ARHGAP17: variants seen among roughly 807,000 people sequenced by gnomAD.
The protein encoded by ARHGAP17 is Rho GTPase activating protein 17.
A neutral mutation model predicts 99.5 loss-of-function variants in ARHGAP17; 57 were observed. The ratio of observed to expected loss-of-function variants is 0.57; its 90% CI spans 0.46 to 0.71. ARHGAP17 has a LOEUF of 0.71. ARHGAP17 is among the 30% of genes least tolerant of loss of function. The probability of loss-of-function intolerance (pLI) is 0.00; values close to 1 mark genes in which losing one functional copy is unlikely to be tolerated. For synonymous variants in ARHGAP17, 417 were observed against 429.6 expected (o/e 0.97, Z 0.36); for missense variants, 1,000 against 1,122.4 (o/e 0.89, Z 1.56).
chr16:24,944,149 T>A lies in ARHGAP17; in HGVS notation c.1242-287A>T, dbSNP rs190404972. Among the ~76,000 whole-genome samples the A allele has an allele frequency of 1.3e-3, 198 of 151,498 alleles. No homozygotes were observed. The South Asian group carries it at 0.028, about 21-fold the overall frequency. On this transcript the variant is annotated intron_variant, in intron 14 of 19. Coordinates refer to ENST00000289968, the MANE Select transcript of ARHGAP17 (RefSeq NM_001006634.3). Reference sequence around the variant, plus strand: ...AGCCAGGCGTGGTGGTGCGTTCGCATAGTCCCAGCTACTCGGGAGGCTGAG... The same window carrying A: ...AGCCAGGCGTGGTGGTGCGTTCGCAAAGTCCCAGCTACTCGGGAGGCTGAG...
intron 15 of ARHGAP17, among the ~76,000 whole-genome samples, chr16:24,943,078 G>C (rs1427974801): frequency 6.6e-6 from 1 of 152,176 alleles, no homozygotes; most frequent in African/African-American, 2.4e-5. Context: ...AAGTAGGTGT[G>C]GGGGATCCGG....
At chr16:24,960,688 G>T (rs890632124) in intron 7 of ARHGAP17, among the ~76,000 whole-genome samples, 8 of 151,664 alleles carry the variant, frequency 5.3e-5, no homozygotes, top group African/African-American at 1.7e-4. Context: ...ATGGTGGCGG[G>T]CACCTGTAGT....
At chr16:25,007,058 A>T (rs368406815) in intron 1 of ARHGAP17, among the ~76,000 whole-genome samples, 14 of 152,306 alleles carry the variant, frequency 9.2e-5, no homozygotes, top group East Asian at 5.8e-4. Flanking sequence ...CTGGAAAGGA[A>T]TGAACATTAC....
At chr16:24,927,202 C>T (rs111492232) in intron 19 of ARHGAP17, among the ~76,000 whole-genome samples, 8 of 152,204 alleles carry the variant, frequency 5.3e-5, no homozygotes, top group African/African-American at 9.6e-5. Context: ...ACCTGGGAGG[C>T]GGAGCTTGCA....
intron 3 of ARHGAP17, among the ~76,000 whole-genome samples, chr16:24,971,077 C>A (rs139683419): frequency 2.6e-5 from 4 of 152,204 alleles, no homozygotes; most frequent in East Asian, 1.9e-4. Context: ...GGTATGTTGA[C>A]CAGGCTAATC....
At chr16:24,934,323 G>A (rs1009367300) in intron 18 of ARHGAP17, among the ~76,000 whole-genome samples, 7 of 151,964 alleles carry the variant, frequency 4.6e-5, no homozygotes, top group African/African-American at 1.7e-4. Flanking sequence ...CACCATGCCC[G>A]GCTAATTTTT....
At chr16:24,921,726 A>G (rs1332741759) in intron 19 of ARHGAP17, among the ~76,000 whole-genome samples, 1 of 152,136 alleles carries the variant, frequency 6.6e-6, no homozygotes, top group African/African-American at 2.4e-5. Context: ...AACTCAGAGA[A>G]ATTTCTAGAT....
At position 24,919,972 on chromosome 16, in the gene ARHGAP17, C is replaced by T; in HGVS notation, c.*158G>A. 9.6e-7 allele frequency: 1 copy of T among 1,038,778 alleles called. No individual in the cohort carries two copies. Among genetic ancestry groups the T allele is most frequent in the Non-Finnish European group, 1.4e-6 (1 of 737,122 alleles). 64.3% of individuals were successfully genotyped at this position (1,038,778 alleles called of 1,614,324 possible). A position where few individuals can be genotyped will look rare whatever the true frequency, so the allele number is the denominator to read the frequency against. On this transcript the variant is annotated 3_prime_UTR_variant, in exon 20 of 20. Transcript: ENST00000289968. ...CAGCTTTAGTGGTGGCCTCCAGGTT[C>T]TCCTTGGGCCGTGCAGAAGGCCAGG...
At chr16:24,929,601 G>A (rs555435553) in intron 19 of ARHGAP17, 1 of 987,888 alleles carries the variant, frequency 1.0e-6, no homozygotes, top group South Asian at 4.7e-5. Flanking sequence ...GCTGCTCGGG[G>A]CCATTACAGA....
At chr16:24,966,178 G>C (rs190037773) in intron 6 of ARHGAP17, among the ~76,000 whole-genome samples, 1 of 152,294 alleles carries the variant, frequency 6.6e-6, no homozygotes, top group East Asian at 1.9e-4. Flanking sequence ...AGGGTGGCCT[G>C]CACTCTCAGC....
chr16:24,981,863 C>G (rs1183599465), intron 1 of ARHGAP17, among the ~76,000 whole-genome samples: 1 of 152,050 alleles, frequency 6.6e-6, no homozygotes, highest in South Asian at 2.1e-4. Context: ...CTCAGAGTAT[C>G]TAAAATGTAA....
At chr16:24,949,372 C>T in intron 13 of ARHGAP17, 32 bp downstream of exon 13, 1 of 1,577,896 alleles carries the variant, frequency 6.3e-7, no homozygotes, top group Non-Finnish European at 8.7e-7. Flanking sequence ...CTTATCTTCA[C>T]TCCAGAGTCA....
intron 9 of ARHGAP17, 69 bp downstream of exon 9, chr16:24,959,602 G>C: frequency 2.7e-6 from 4 of 1,487,338 alleles, no homozygotes; most frequent in Non-Finnish European, 3.7e-6. Flanking sequence ...AGGAGTCAGG[G>C]TGAAGAAGAA....
chr16:25,015,099 C>A, intron 1 of ARHGAP17, 110 bp downstream of exon 1: 1 of 1,074,394 alleles, frequency 9.3e-7, no homozygotes, highest in Non-Finnish European at 1.2e-6. Context: ...CGGGCAGGGG[C>A]TGCGGCCCAG....
intron 19 of ARHGAP17, among the ~76,000 whole-genome samples, chr16:24,924,874 AAAAT>A (rs1322088957): frequency 6.6e-6 from 1 of 152,106 alleles, no homozygotes; most frequent in Non-Finnish European, 1.5e-5. Flanking sequence ...AAAATAAAAA[AAAAT>A]AAAAAAAAAA....
At chr16:25,008,956 G>A (rs1245276750) in intron 1 of ARHGAP17, among the ~76,000 whole-genome samples, 1 of 151,838 alleles carries the variant, frequency 6.6e-6, no homozygotes. Context: ...CTGCTGCAAC[G>A]ACAAGAGGAC....
chr16:24,977,390 A>G lies in ARHGAP17; in HGVS notation c.94-71T>C, dbSNP rs549177944. On this transcript the variant is annotated intron_variant, in intron 2 of 19. Coordinates refer to ENST00000289968, the MANE Select transcript of ARHGAP17 (RefSeq NM_001006634.3). ...TGTGGTGTCTGCATGCTGGTAGGAAAAGCATGGCTGAATCTACATGCAGGG... is the reference window on the plus strand; with the variant it reads ...TGTGGTGTCTGCATGCTGGTAGGAAGAGCATGGCTGAATCTACATGCAGGG... The G allele has an allele frequency of 5.6e-5, 71 of 1,274,946 alleles. 1 individual carries two copies. The South Asian group carries it at 9.9e-4, about 18-fold the overall frequency. The allele number at this position is 1,274,946 out of a possible 1,614,324, so 79.0% of individuals were successfully genotyped here. A position where few individuals can be genotyped will look rare whatever the true frequency, so the allele number is the denominator to read the frequency against.
chr16:24,978,866 TA>T (rs56027541), intron 2 of ARHGAP17, 99 bp downstream of exon 2: 178,074 of 580,480 alleles, frequency 0.31, 6,692 homozygotes, highest in African/African-American at 0.33. Flanking sequence ...TGTTTCTGGT[TA>T]AAAAAAAAAA....
At chr16:24,965,154 T>C (rs556291103) in intron 6 of ARHGAP17, among the ~76,000 whole-genome samples, 162 of 150,990 alleles carry the variant, frequency 1.1e-3, no homozygotes, top group African/African-American at 3.7e-3. Context: ...AATGTAAACA[T>C]AGATGTTATA....
Sources: allele counts gnomAD v4.1 joint callset (sites outside exome capture counted in the v4.1 genomes callset), GRCh38; gene constraint gnomAD v4.1.1; transcripts MANE v1.5; gene names NCBI Gene and HGNC (gene_info 2026-07-23, HGNC 2026-07-21).